The following SEL1L3 variants were observed in gnomAD, a reference collection of about 807,000 sequenced individuals.
SEL1L3 encodes protein sel-1 homolog 3.
Under a neutral mutation model 142.8 loss-of-function variants are expected in SEL1L3, and 76 were observed. The observed-to-expected ratio is 0.53, with a 90% CI of 0.44 to 0.64. The LOEUF is 0.64. SEL1L3 is among the 30% of genes least tolerant of loss of function. The pLI is 0.00. For missense variants in SEL1L3, 1,262 were observed against 1,381.7 expected (o/e 0.91, Z 1.37); for synonymous variants, 504 against 519.6 (o/e 0.97, Z 0.41).
intron 9 of SEL1L3, among the ~76,000 whole-genome samples, chr4:25,806,061 T>C (rs1487178297): frequency 4.1e-5 from 6 of 145,292 alleles, no homozygotes; most frequent in South Asian, 2.2e-4. Flanking sequence ...TTTTTTGAGA[T>C]GGAGTCTTGC....
the SEL1L3 span, among the ~76,000 whole-genome samples, chr4:25,728,402 C>T: frequency 4.6e-5 from 7 of 152,126 alleles, no homozygotes; most frequent in Admixed American, 1.3e-4. Flanking sequence ...ACCACCTGGG[C>T]ACCATGGGCC....
At chr4:25,794,319 A>G (rs1250989540) in intron 11 of SEL1L3, among the ~76,000 whole-genome samples, 1 of 152,236 alleles carries the variant, frequency 6.6e-6, no homozygotes, top group Non-Finnish European at 1.5e-5. Flanking sequence ...ACTTAAACAA[A>G]TTTACAAGAA....
At chr4:25,859,336 C>T (rs1016590761) in intron 1 of SEL1L3, among the ~76,000 whole-genome samples, 19 of 152,218 alleles carry the variant, frequency 1.2e-4, no homozygotes, top group African/African-American at 4.6e-4. Flanking sequence ...GCCACTGGAA[C>T]CAGGGATCAT....
intron 23 of SEL1L3, among the ~76,000 whole-genome samples, chr4:25,750,000 C>G (rs1054922227): frequency 6.6e-6 from 1 of 151,714 alleles, no homozygotes; most frequent in South Asian, 2.1e-4. Context: ...TCGGGAGGCC[C>G]GGACGGCCGG....
rs556278627 is a variant in SEL1L3, at chr4:25,747,917, G to A, written c.*508C>T. Reference sequence around the variant, plus strand: ...AGGCACAAACAATTTATTTCAAGGTGCCTTATAACTGCTAGGTCTTGGAAG... The same window carrying A: ...AGGCACAAACAATTTATTTCAAGGTACCTTATAACTGCTAGGTCTTGGAAG... On this transcript the variant is annotated 3_prime_UTR_variant, in exon 24 of 24. Coordinates refer to ENST00000399878, the MANE Select transcript of SEL1L3 (RefSeq NM_015187.5). 1 of 153,046 alleles carries A rather than the reference G, an allele frequency of 6.5e-6. No individual in the cohort carries two copies. The highest frequency in any genetic ancestry group is 2.1e-4 in the South Asian group (1 of 4,834). The allele number at this position is 153,046 out of a possible 1,614,324, so 9.5% of individuals were successfully genotyped here.
intron 7 of SEL1L3, 115 bp from the exon 8 acceptor site, chr4:25,820,055 G>A (rs915797216): frequency 2.8e-5 from 26 of 943,132 alleles, no homozygotes; most frequent in South Asian, 1.5e-4. Context: ...CAGGTGGCTC[G>A]TTTGTACACA....
In SEL1L3 at chr4:25,782,411, T is replaced by G; in HGVS notation, c.2288A>C (p.His763Pro). 4 of 1,611,588 alleles carry G rather than the reference T, an allele frequency of 2.5e-6. No homozygotes were observed. Among genetic ancestry groups the G allele is most frequent in the Non-Finnish European group, 3.4e-6 (4 of 1,179,068 alleles). Residue 763 changes from histidine (H) to proline (P), a missense_variant, in exon 15 of 24, where the codon CAT (histidine) becomes CCT (proline). By Grantham distance (77) the His-to-Pro change is moderately conservative (BLOSUM62 -2). Transcript: ENST00000399878. ...LMKKAASKGL[H>P]QAVNGLGWYY... ...CCATCCCAGGCCATTGACTGCCTGATGCAATCCCTGAATTTTGGAACAAGA... is the reference window on the plus strand; with the variant it reads ...CCATCCCAGGCCATTGACTGCCTGAGGCAATCCCTGAATTTTGGAACAAGA...
At chr4:25,756,159 A>G (rs1717943002) in intron 23 of SEL1L3, 4 of 985,404 alleles carry the variant, frequency 4.1e-6, no homozygotes, top group South Asian at 9.4e-5. Flanking sequence ...AAATGCTCCA[A>G]TGCCATGTCC....
intron 1 of SEL1L3, among the ~76,000 whole-genome samples, chr4:25,852,416 C>T (rs1251702357): frequency 6.6e-6 from 1 of 152,196 alleles, no homozygotes; most frequent in Non-Finnish European, 1.5e-5. Flanking sequence ...TAGGGATATA[C>T]CCAGCATTTG....
At chr4:25,739,713 C>A in the SEL1L3 span, among the ~76,000 whole-genome samples, 139 of 129,730 alleles carry the variant, frequency 1.1e-3, 1 homozygote, top group African/African-American at 3.3e-3. Context: ...CAAAAAAAAA[C>A]AAAAAACAAA....
intron 9 of SEL1L3, among the ~76,000 whole-genome samples, chr4:25,816,117 TATATG>T (rs907772148): frequency 5.4e-5 from 8 of 146,894 alleles, no homozygotes; most frequent in Non-Finnish European, 8.9e-5. Context: ...TATTATATAT[TATATG>T]ATATATTACA....
chr4:25,740,976 G>T, the SEL1L3 span, among the ~76,000 whole-genome samples: 2 of 151,852 alleles, frequency 1.3e-5, no homozygotes, highest in African/African-American at 2.4e-5. Flanking sequence ...GTGGAGATGG[G>T]GTTTCACCAT....
the SEL1L3 span, among the ~76,000 whole-genome samples, chr4:25,741,710 T>C: frequency 0.71 from 108,219 of 152,018 alleles, 38,607 homozygotes; most frequent in East Asian, 0.79. Flanking sequence ...AGAAATCCTT[T>C]ATTTTTGAAG....
At chr4:25,786,510 G>A (rs1179536434) in intron 13 of SEL1L3, among the ~76,000 whole-genome samples, 1 of 152,198 alleles carries the variant, frequency 6.6e-6, no homozygotes, top group African/African-American at 2.4e-5. Flanking sequence ...TGTAGGTTGT[G>A]AGATCTTGGT....
chr4:25,853,775 G>A (rs11941479), intron 1 of SEL1L3, among the ~76,000 whole-genome samples: 77 of 146,060 alleles, frequency 5.3e-4, no homozygotes, highest in Middle Eastern at 3.6e-3. Context: ...GGGTTCTAGC[G>A]ATTCTCCTGC....
intron 9 of SEL1L3, among the ~76,000 whole-genome samples, chr4:25,816,678 A>T (rs1356886174): frequency 6.6e-6 from 1 of 152,078 alleles, no homozygotes; most frequent in African/African-American, 2.4e-5. Context: ...GAAACCCTTC[A>T]GCAGGTCCCT....
chr4:25,756,686 T>C lies in SEL1L3; in HGVS notation c.3259+848A>G, dbSNP rs1211535692. 5 of 1,085,000 alleles carry C rather than the reference T, an allele frequency of 4.6e-6. No homozygotes were observed. The East Asian group carries it at 2.8e-4, about 60-fold the overall frequency. 67.2% of individuals were successfully genotyped at this position (1,085,000 alleles called of 1,614,324 possible). A position where few individuals can be genotyped will look rare whatever the true frequency, so the allele number is the denominator to read the frequency against. On this transcript the variant is annotated intron_variant, in intron 23 of 23. Transcript: ENST00000399878. ...TTGTCCTTAACTATTCTATACTGGC[T>C]CAGAAAAATAACAATGATTAGTGGA...
intron 11 of SEL1L3, among the ~76,000 whole-genome samples, chr4:25,790,939 A>G (rs1712290929): frequency 6.6e-6 from 1 of 152,272 alleles, no homozygotes; most frequent in East Asian, 1.9e-4. Context: ...AGGTGTGCCT[A>G]CAATGACATA....
At chr4:25,828,023 C>G (rs1215909365) in intron 6 of SEL1L3, among the ~76,000 whole-genome samples, 3 of 152,210 alleles carry the variant, frequency 2.0e-5, no homozygotes, top group African/African-American at 7.2e-5. Context: ...CTCCTAGCCA[C>G]CTGTTATATA....
Sources: allele counts gnomAD v4.1 joint callset (sites outside exome capture counted in the v4.1 genomes callset), GRCh38; gene constraint gnomAD v4.1.1; transcripts MANE v1.5; gene names NCBI Gene and HGNC (gene_info 2026-07-23, HGNC 2026-07-21).